CROT: variants seen among roughly 807,000 people sequenced by gnomAD.
CROT encodes peroxisomal carnitine O-octanoyltransferase.
CROT carries 84 observed loss-of-function variants against 89.2 expected under a neutral mutation model. The ratio of observed to expected loss-of-function variants is 0.94; its 90% CI spans 0.79 to 1.13. The LOEUF (loss-of-function observed/expected upper bound fraction) is 1.13, where lower values mean the gene tolerates loss of function less well. Among genes scored for constraint, CROT ranks in the 50% most tolerant of loss-of-function variants. CROT has a pLI of 0.00. For missense variants in CROT, 711 were observed against 727.8 expected (o/e 0.98, Z 0.27); for synonymous variants, 212 against 239.5 (o/e 0.89, Z 1.06).
In CROT at chr7:87,391,639, G is replaced by C. The variant is rs146906054; in HGVS notation, c.1352G>C (p.Arg451Pro). 13 of 1,610,536 alleles carry C rather than the reference G, an allele frequency of 8.1e-6. No homozygotes were observed. The highest frequency in any genetic ancestry group is 4.0e-5 in the African/African-American group (3 of 74,642). Residue 451 changes from arginine (R) to proline (P), a missense_variant, in exon 14 of 18, where the codon CGT becomes CCT. Coordinates refer to ENST00000331536, the MANE Select transcript of CROT (RefSeq NM_021151.4). ...TAMTRHFYHG[R>P]TETMRSCTVE... ...ATGACAAGACATTTTTATCATGGCC[G>C]TACAGAGACTATGCGATCATGCACA...
Position 87,382,410 on chromosome 7 carries a change from T to C in CROT, c.1171-3T>C. The stretch of plus-strand genomic sequence containing the variant: ...ACCGTTCTCATTTAATTCTTCTTGT[T>C]AGGCATCTGATCTACAGATTGCGGC... On this transcript the variant is annotated splice_region_variant and splice_polypyrimidine_tract_variant and intron_variant, in intron 12 of 17. Transcript: ENST00000331536. The C allele has an allele frequency of 6.2e-7, 1 of 1,609,170 alleles. No individual in the cohort carries two copies.
intron 10 of CROT, among the ~76,000 whole-genome samples, chr7:87,380,949 C>A (rs555576806): frequency 2.0e-5 from 3 of 152,324 alleles, no homozygotes; most frequent in African/African-American, 7.2e-5. Flanking sequence ...ACTGCTCAGG[C>A]ATCTTATACT....
intron 4 of CROT, chr7:87,360,199 A>T (rs895538035): frequency 2.3e-5 from 15 of 643,694 alleles, no homozygotes; most frequent in South Asian, 7.0e-5. Flanking sequence ...TTCTTCAAAC[A>T]AGACTCCAGG....
At chr7:87,357,484 C>A in intron 3 of CROT, 1 of 1,551,678 alleles carries the variant, frequency 6.4e-7, no homozygotes, top group Non-Finnish European at 8.7e-7. Flanking sequence ...AGCATGGGAT[C>A]TCATCCTAAT....
chr7:87,382,834 C>T (rs572154764), intron 13 of CROT, among the ~76,000 whole-genome samples: 3 of 152,236 alleles, frequency 2.0e-5, no homozygotes, highest in African/African-American at 4.8e-5. Context: ...TTTCTTGCAA[C>T]GTCAGTTTTC....
intron 6 of CROT, among the ~76,000 whole-genome samples, chr7:87,363,432 G>T (rs1286250623): frequency 6.6e-6 from 1 of 152,216 alleles, no homozygotes; most frequent in Non-Finnish European, 1.5e-5. Context: ...TGAACCTGCA[G>T]AGTTTTTTGG....
At chr7:87,361,341 A>G (rs771186096) in intron 4 of CROT, 49 bp from the exon 5 acceptor site, 4 of 1,495,288 alleles carry the variant, frequency 2.7e-6, no homozygotes, top group South Asian at 1.2e-5. Context: ...GTAGTTACAC[A>G]TTCATGTATT....
intron 13 of CROT, among the ~76,000 whole-genome samples, chr7:87,388,712 A>G (rs954587589): frequency 6.6e-6 from 1 of 152,228 alleles, no homozygotes; most frequent in African/African-American, 2.4e-5. Flanking sequence ...GGACATAGGC[A>G]TGGGCAAAGA....
At chr7:87,372,918 A>G (rs1806687777) in intron 7 of CROT, among the ~76,000 whole-genome samples, 1 of 152,146 alleles carries the variant, frequency 6.6e-6, no homozygotes, top group Non-Finnish European at 1.5e-5. Flanking sequence ...ATAGTAAATT[A>G]TTCATAATGC....
rs1433067069 is a variant in CROT at position 87,391,662 on chromosome 7, A to G, written c.1375A>G (p.Thr459Ala). ...CCGTACAGAGACTATGCGATCATGC[A>G]CAGTTGAAGCAGTGAGGTGGTGCCA... ...HGRTETMRSC[T>A]VEAVRWCQSM... Residue 459 changes from threonine (T) to alanine (A), a missense_variant, in exon 14 of 18, where the codon ACA becomes GCA. Coordinates refer to ENST00000331536, the MANE Select transcript of CROT (RefSeq NM_021151.4). 8.1e-6 allele frequency: 13 copies of G among 1,612,224 alleles called. No individual in the cohort carries two copies. Among genetic ancestry groups the G allele is most frequent in the Non-Finnish European group, 8.5e-6 (10 of 1,179,346 alleles).
chr7:87,371,941 CTG>C (rs1055123124), intron 7 of CROT, among the ~76,000 whole-genome samples: 5 of 146,168 alleles, frequency 3.4e-5, no homozygotes, highest in African/African-American at 1.3e-4. Context: ...CTGCAGTGAG[CTG>C]TGATTACGCC....
chr7:87,357,461 G>T (rs183973074), intron 3 of CROT: 1 of 1,551,224 alleles, frequency 6.4e-7, no homozygotes, highest in East Asian at 2.4e-5. Context: ...TGCTGTGCAG[G>T]CTGAATCTCC....
At position 87,378,441 on chromosome 7, in the gene CROT, T is replaced by C. The variant is rs529534019; in HGVS notation, c.978+991T>C. On this transcript the variant is annotated intron_variant, in intron 10 of 17. Transcript: ENST00000331536. ...TCAAACTAGCGTTAGCGTAAGAAGA[T>C]ATTTGTTGGCAAGGAGTTAGCTAAA... 5.3e-5 allele frequency among the ~76,000 whole-genome samples: 8 copies of C among 152,012 alleles called. No homozygotes were observed. In the South Asian group the frequency reaches 1.5e-3, roughly 28 times the overall value.
In CROT at chr7:87,382,124, T is replaced by C. The variant is rs368284136; in HGVS notation, c.1113T>C (p.Ile371=). Residue 371 remains isoleucine (I), a synonymous_variant, in exon 12 of 18, where the codon ATT becomes ATC. Coordinates refer to ENST00000331536, the MANE Select transcript of CROT (RefSeq NM_021151.4). ...DIPLPEELIF[I]VDEKVLNDIN... ...CACTTCCAGAAGAGCTCATTTTCAT[T>C]GTGGATGAGAAAGTTTTAAATGACA... The C allele has an allele frequency of 1.2e-5, 20 of 1,613,582 alleles. No homozygotes were observed. In the African/African-American group the frequency reaches 2.7e-4, roughly 22 times the overall value.
chr7:87,346,833 C>G (rs1805696457), intron 2 of CROT, among the ~76,000 whole-genome samples: 1 of 152,204 alleles, frequency 6.6e-6, no homozygotes, highest in East Asian at 1.9e-4. Context: ...TGTATTATCT[C>G]ATAGCTTCTG....
At chr7:87,387,015 T>C (rs1191151775) in intron 13 of CROT, among the ~76,000 whole-genome samples, 1 of 152,080 alleles carries the variant, frequency 6.6e-6, no homozygotes, top group Non-Finnish European at 1.5e-5. Context: ...ATGGGAGTTT[T>C]TCCACATGCG....
intron 6 of CROT, among the ~76,000 whole-genome samples, chr7:87,368,613 G>C (rs1316369656): frequency 6.6e-6 from 1 of 152,148 alleles, no homozygotes; most frequent in African/African-American, 2.4e-5. Flanking sequence ...ACTTAATACT[G>C]ACCCGTAAAT....
intron 3 of CROT, among the ~76,000 whole-genome samples, chr7:87,357,091 G>A (rs1276067556): frequency 6.6e-6 from 1 of 152,174 alleles, no homozygotes; most frequent in Non-Finnish European, 1.5e-5. Flanking sequence ...ACATGACAAA[G>A]CAAACGAAAA....
chr7:87,351,452 G>A (rs753188410), intron 3 of CROT, among the ~76,000 whole-genome samples: 18 of 151,970 alleles, frequency 1.2e-4, no homozygotes, highest in African/African-American at 3.1e-4. Context: ...AATTCACTGC[G>A]TACCCAACAG....
Sources: allele counts gnomAD v4.1 joint callset (sites outside exome capture counted in the v4.1 genomes callset), GRCh38; gene constraint gnomAD v4.1.1; transcripts MANE v1.5; gene names NCBI Gene and HGNC (gene_info 2026-07-23, HGNC 2026-07-21).